VPS16: variants seen among roughly 807,000 people sequenced by gnomAD.
The protein encoded by VPS16 is VPS16 core subunit of CORVET and HOPS complexes.
A neutral mutation model predicts 116.0 loss-of-function variants in VPS16; 82 were observed. The ratio of observed to expected loss-of-function variants is 0.71; its 90% CI spans 0.59 to 0.85. VPS16 has a LOEUF of 0.85. Among genes scored for constraint, VPS16 ranks in the 40% least tolerant of loss-of-function variants. The pLI is 0.00. For synonymous variants in VPS16, 406 were observed against 420.7 expected, an observed-to-expected ratio of 0.96 and a Z score of 0.43; for missense variants, 928 against 1,090.6, an observed-to-expected ratio of 0.85 and a Z score of 2.10.
intron 1 of VPS16, among the ~76,000 whole-genome samples, chr20:2,848,585 G>A (rs2089085375): frequency 6.6e-6 from 1 of 152,212 alleles, no homozygotes; most frequent in Non-Finnish European, 1.5e-5. Context: ...ACATTGTCTT[G>A]CAATTGGTGC....
chr20:2,862,546 A>G, intron 11 of VPS16, 33 bp from the exon 12 acceptor site: 2 of 1,604,666 alleles, frequency 1.2e-6, no homozygotes, highest in Non-Finnish European at 1.7e-6. Context: ...GTTCTCTGTC[A>G]TGATGCCCTG....
At position 2,851,449 on chromosome 20, in the gene VPS16, C is replaced by T. The variant is rs529931220; in HGVS notation, c.54-8270C>T. Among the ~76,000 whole-genome samples the T allele has an allele frequency of 7.3e-5, 11 of 151,648 alleles. No individual in the cohort carries two copies. The South Asian group carries it at 1.0e-3, about 14-fold the overall frequency. On this transcript the variant is annotated intron_variant, in intron 1 of 23. Coordinates refer to ENST00000380445, the MANE Select transcript of VPS16 (RefSeq NM_022575.4). ...CGTGGAGAAACCCCGTCTCTACTAA[C>T]GATACCAGTTTGAGACCAGCCTGGC...
intron 1 of VPS16, among the ~76,000 whole-genome samples, chr20:2,842,681 T>G (rs28445705): frequency 0.027 from 2,802 of 105,508 alleles, 158 homozygotes; most frequent in African/African-American, 0.089. Context: ...TCTATATATA[T>G]ATAGATACAT....
At chr20:2,840,971 C>A (rs948823918) in intron 1 of VPS16, 144 bp downstream of exon 1, 3 of 766,624 alleles carry the variant, frequency 3.9e-6, no homozygotes, top group African/African-American at 1.8e-5. Flanking sequence ...CCACTTAGCG[C>A]ACAGCCGCCT....
rs767264297 is a variant in VPS16 at position 2,866,491 on chromosome 20, G to C, written c.2437G>C (p.Val813Leu). ...CCGGAATGAGGCTGAGCTGAGCCTC[G>C]TATTGTCCCACTGCACGGGAGCCAC... Reference protein sequence around the residue: ...EHRNEAELSLVLSHCTGATDG... With the variant: ...EHRNEAELSLLLSHCTGATDG... The change falls in exon 24 of 24, where the codon GTA (valine) becomes CTA (leucine). Residue 813 changes from valine to leucine, a missense_variant. By Grantham distance (32) the Val-to-Leu change is conservative. Transcript: ENST00000380445. The C allele has an allele frequency of 6.2e-6, 10 of 1,614,154 alleles. No individual in the cohort carries two copies. The highest frequency in any genetic ancestry group is 3.3e-4 in the Middle Eastern group (2 of 6,062).
At position 2,860,606 on chromosome 20, in the gene VPS16, A is replaced by G; in HGVS notation, c.514+13A>G. On this transcript the variant is annotated intron_variant, in intron 5 of 23. Transcript: ENST00000380445. This position sits in a 1 kb window ranked among gnomAD's most constrained non-coding sequence, Gnocchi z 6.1. The stretch of plus-strand genomic sequence containing the variant: ...CCAGAGGTGCCAGGTAAGCCCTGAC[A>G]CCGCTGAGATAGCCAAGCAGTACCC... 1 of 1,613,232 alleles carries G rather than the reference A, an allele frequency of 6.2e-7. No homozygotes were observed. The highest frequency in any genetic ancestry group is 1.3e-5 in the African/African-American group (1 of 75,010).
At position 2,863,192 on chromosome 20, in the gene VPS16, A is replaced by G. The variant is rs1018471459; in HGVS notation, c.1367+92A>G. On this transcript the variant is annotated intron_variant, in intron 14 of 23. Coordinates refer to ENST00000380445, the MANE Select transcript of VPS16 (RefSeq NM_022575.4). This position sits in a 1 kb window ranked among gnomAD's most constrained non-coding sequence, Gnocchi z 4.4. ...GTCTTATGGTCACTGCTCCTGACCT[A>G]TCTAGGATGTGGGAGGCCTGATGTG... The G allele has an allele frequency of 6.2e-6, 10 of 1,609,952 alleles. No individual in the cohort carries two copies. The South Asian group carries it at 6.6e-5, about 11-fold the overall frequency.
At chr20:2,842,568 T>C (rs2088990284) in intron 1 of VPS16, among the ~76,000 whole-genome samples, 1 of 150,426 alleles carries the variant, frequency 6.6e-6, no homozygotes. Flanking sequence ...GATAGCGTCA[T>C]TGCATTCTAG....
intron 1 of VPS16, among the ~76,000 whole-genome samples, chr20:2,842,249 C>G (rs185629434): frequency 6.6e-6 from 1 of 151,938 alleles, no homozygotes; most frequent in African/African-American, 2.4e-5. Flanking sequence ...GTGTAGGGAC[C>G]GATGTTAGAA....
intron 22 of VPS16, 26 bp from the exon 23 acceptor site, chr20:2,866,186 C>G: frequency 1.2e-6 from 2 of 1,609,668 alleles, no homozygotes; most frequent in Non-Finnish European, 1.7e-6. Flanking sequence ...TTACCTTCTC[C>G]CTCCACCCGC....
In VPS16 at chr20:2,865,864, C is replaced by G; in HGVS notation, c.2272-348C>G. On this transcript the variant is annotated intron_variant, in intron 22 of 23. Coordinates refer to ENST00000380445, the MANE Select transcript of VPS16 (RefSeq NM_022575.4). The surrounding 1 kb of genome is among the most constrained non-coding windows in gnomAD (Gnocchi z 5.2). The stretch of plus-strand genomic sequence containing the variant: ...GGGCTGTTTTCTGTGGTGGGTAGTT[C>G]AGAGGTGTATAGGGCAGGTTTGAGA... The G allele has an allele frequency of 2.2e-6, 1 of 459,562 alleles. No individual in the cohort carries two copies. The allele number at this position is 459,562 out of a possible 1,614,324, so 28.5% of individuals were successfully genotyped here.
chr20:2,841,876 C>G (rs1349245166), intron 1 of VPS16, among the ~76,000 whole-genome samples: 2 of 152,004 alleles, frequency 1.3e-5, no homozygotes, highest in Non-Finnish European at 2.9e-5. Context: ...GCCTCAGCCT[C>G]CCGAGTGGCT....
At chr20:2,842,999 A>G (rs2089023948) in intron 1 of VPS16, among the ~76,000 whole-genome samples, 1 of 151,550 alleles carries the variant, frequency 6.6e-6, no homozygotes, top group Non-Finnish European at 1.5e-5. Flanking sequence ...ACTGTATACC[A>G]TTCTCACTGA....
Position 2,864,014 on chromosome 20 carries a change from G to A in VPS16, c.1542G>A (p.Thr514=), listed in dbSNP as rs1305141339. ...CCATTAACCAGAAGCTGGGGGACAC[G>A]CCTGGTGTCTCTTACTCCGACATTG... ...ARAINQKLGD[T]PGVSYSDIAA... is the part of the protein sequence containing the mutation. The change falls in exon 16 of 24, where the codon ACG becomes ACA. Residue 514 remains threonine (T), a synonymous_variant. Coordinates refer to ENST00000380445, the MANE Select transcript of VPS16 (RefSeq NM_022575.4). The surrounding 1 kb of genome is among the most constrained non-coding windows in gnomAD (Gnocchi z 5.2). 7.4e-6 allele frequency: 12 copies of A among 1,613,994 alleles called. 1 individual carries two copies. Among genetic ancestry groups the A allele is most frequent in the South Asian group, 3.3e-5 (3 of 91,086 alleles).
At chr20:2,841,179 G>T (rs551363014) in intron 1 of VPS16, 13 of 339,046 alleles carry the variant, frequency 3.8e-5, no homozygotes, top group East Asian at 3.5e-4. Context: ...GCGCTCCGAG[G>T]GGGGCGGGAT....
Position 2,864,515 on chromosome 20 carries a change from C to G in VPS16, c.1819-32C>G. On this transcript the variant is annotated intron_variant, in intron 18 of 23. Transcript: ENST00000380445. The surrounding 1 kb of genome is among the most constrained non-coding windows in gnomAD (Gnocchi z 5.2). ...TAGCCTTCTGAGCACTTGAGTTGGC[C>G]TTGCTGACTGATTGCCTGCCTGTGG... The G allele has an allele frequency of 6.2e-7, 1 of 1,614,030 alleles. No homozygotes were observed. The highest frequency in any genetic ancestry group is 8.5e-7 in the Non-Finnish European group (1 of 1,179,960).
chr20:2,843,871 G>C (rs1002526622), intron 1 of VPS16, among the ~76,000 whole-genome samples: 11 of 152,242 alleles, frequency 7.2e-5, no homozygotes, highest in Non-Finnish European at 1.2e-4. Flanking sequence ...GGGGTCTAAG[G>C]CTTGCTGGGG....
chr20:2,860,574 C>T lies in VPS16; in HGVS notation c.495C>T (p.Arg165=). Residue 165 remains arginine (R), a synonymous_variant, in exon 5 of 24, where the codon CGC becomes CGT. Transcript: ENST00000380445. This position sits in a 1 kb window ranked among gnomAD's most constrained non-coding sequence, Gnocchi z 6.1. ...CCAATGTGGGTGACCTCAAACTCCGCCGGATGCCAGAGGTGCCAGGTAAGC... is the reference window on the plus strand; with the variant it reads ...CCAATGTGGGTGACCTCAAACTCCGTCGGATGCCAGAGGTGCCAGGTAAGC... ...LSANVGDLKL[R]RMPEVPGLQS... 10 of 1,613,848 alleles carry T rather than the reference C, an allele frequency of 6.2e-6. No individual in the cohort carries two copies. Among genetic ancestry groups the T allele is most frequent in the Non-Finnish European group, 7.6e-6 (9 of 1,180,024 alleles).
At chr20:2,843,291 G>A (rs1490054884) in intron 1 of VPS16, among the ~76,000 whole-genome samples, 1 of 152,136 alleles carries the variant, frequency 6.6e-6, no homozygotes, top group Non-Finnish European at 1.5e-5. Flanking sequence ...AATTTGCCGG[G>A]CGTGGTGGCA....
Sources: gnomAD v4.1 joint callset for allele counts (sites outside exome capture counted in the v4.1 genomes callset) on GRCh38, gnomAD v4.1.1 for gene constraint, Gnocchi (gnomAD v3.1) non-coding constraint, MANE v1.5 for transcripts, NCBI Gene and HGNC (gene_info 2026-07-23, HGNC 2026-07-21) for gene names.